CRADD: variants seen among roughly 807,000 people sequenced by gnomAD.
The protein encoded by CRADD is death domain-containing protein CRADD.
A neutral mutation model predicts 15.5 loss-of-function variants in CRADD; 9 were observed. That is an observed-to-expected ratio of 0.58 (90% CI 0.35 to 1.01). The LOEUF is 1.01. Ranked by LOEUF, CRADD falls within the 50% of genes least tolerant of loss-of-function variation. The probability of loss-of-function intolerance (pLI) is 0.02; values close to 1 mark genes in which losing one functional copy is unlikely to be tolerated. For missense variants in CRADD, 227 were observed against 250.3 expected, an observed-to-expected ratio of 0.91 and a Z score of 0.63; for synonymous variants, 118 against 107.6, an observed-to-expected ratio of 1.10 and a Z score of -0.60.
At chr12:93,887,449 A>C (rs1958545725) in intron 2 of CRADD, among the ~76,000 whole-genome samples, 1 of 152,232 alleles carries the variant, frequency 6.6e-6, no homozygotes, top group Admixed American at 6.5e-5. Flanking sequence ...GTCTGGCAAG[A>C]AGAAATTAAG....
intron 2 of CRADD, among the ~76,000 whole-genome samples, chr12:93,834,737 C>T (rs957104867): frequency 6.6e-6 from 1 of 152,220 alleles, no homozygotes; most frequent in African/African-American, 2.4e-5. Context: ...ATCCACCTGC[C>T]TCGGCCTCCC....
chr12:93,876,502 A>G (rs543280213), intron 2 of CRADD, among the ~76,000 whole-genome samples: 10 of 152,104 alleles, frequency 6.6e-5, no homozygotes, highest in African/African-American at 2.4e-4. Flanking sequence ...GGTGTGCTTC[A>G]TTGTTATTCA....
At chr12:93,867,403 A>ATATATATATTTTT (rs985334638) in intron 2 of CRADD, among the ~76,000 whole-genome samples, 1 of 143,378 alleles carries the variant, frequency 7.0e-6, no homozygotes, top group Non-Finnish European at 1.5e-5. Flanking sequence ...ATATATATAT[A>ATATATATATTTTT]TTTTTTAAAC....
At chr12:93,761,092 C>G (rs1592967732) in intron 2 of CRADD, among the ~76,000 whole-genome samples, 1 of 151,922 alleles carries the variant, frequency 6.6e-6, no homozygotes, top group African/African-American at 2.4e-5. Flanking sequence ...TCTGGCTGCA[C>G]TTTGCAGCCA....
At chr12:93,857,192 T>C (rs934434861) in intron 2 of CRADD, among the ~76,000 whole-genome samples, 1 of 152,220 alleles carries the variant, frequency 6.6e-6, no homozygotes, top group Non-Finnish European at 1.5e-5. Context: ...CATTTCATTT[T>C]CATATTCTAT....
intron 2 of CRADD, among the ~76,000 whole-genome samples, chr12:93,876,973 T>G (rs1046189804): frequency 1.2e-4 from 19 of 152,276 alleles, no homozygotes; most frequent in Admixed American, 1.2e-3. Flanking sequence ...GGAAGGCTTT[T>G]CAGATATTTG....
chr12:93,876,332 C>T (rs956455193), intron 2 of CRADD, among the ~76,000 whole-genome samples: 1 of 152,222 alleles, frequency 6.6e-6, no homozygotes, highest in Admixed American at 6.5e-5. Flanking sequence ...TGTTCTATAA[C>T]CTTCTTGTAC....
At chr12:93,769,981 C>T (rs1957066400) in intron 2 of CRADD, among the ~76,000 whole-genome samples, 1 of 152,118 alleles carries the variant, frequency 6.6e-6, no homozygotes, top group African/African-American at 2.4e-5. Context: ...ATGGAGCTTC[C>T]CAATTTTAAT....
At chr12:93,857,457 G>C (rs1455291065) in intron 2 of CRADD, among the ~76,000 whole-genome samples, 1 of 152,212 alleles carries the variant, frequency 6.6e-6, no homozygotes, top group Non-Finnish European at 1.5e-5. Context: ...AGTAAGCCCA[G>C]TTACAGACTG....
intron 2 of CRADD, among the ~76,000 whole-genome samples, chr12:93,818,177 A>G (rs1163600647): frequency 6.6e-6 from 1 of 152,270 alleles, no homozygotes; most frequent in Non-Finnish European, 1.5e-5. Context: ...CTTGCAGGTC[A>G]GCATATTTTT....
chr12:93,799,013 G>C (rs58317669), intron 2 of CRADD, among the ~76,000 whole-genome samples: 7 of 152,058 alleles, frequency 4.6e-5, no homozygotes, highest in African/African-American at 2.4e-5. Flanking sequence ...AATTAGGAGT[G>C]GGGGAAGGGA....
At chr12:93,688,460 A>G (rs1367076397) in intron 2 of CRADD, among the ~76,000 whole-genome samples, 2 of 150,398 alleles carry the variant, frequency 1.3e-5, no homozygotes, top group East Asian at 3.9e-4. Flanking sequence ...TCGAGAGCAC[A>G]CTCCATCCTG....
At chr12:93,883,780 C>T (rs1958518123) in intron 2 of CRADD, among the ~76,000 whole-genome samples, 1 of 152,194 alleles carries the variant, frequency 6.6e-6, no homozygotes, top group South Asian at 2.1e-4. Flanking sequence ...CTGCAGTGAG[C>T]TAGGATCCTA....
chr12:93,689,539 A>G (rs1310146424), intron 2 of CRADD, among the ~76,000 whole-genome samples: 3 of 152,212 alleles, frequency 2.0e-5, no homozygotes, highest in Admixed American at 6.5e-5. Flanking sequence ...AGTTTGGGGC[A>G]GGTTTTACTC....
intron 2 of CRADD, among the ~76,000 whole-genome samples, chr12:93,754,696 A>G (rs569979280): frequency 6.6e-6 from 1 of 152,306 alleles, no homozygotes; most frequent in East Asian, 1.9e-4. Flanking sequence ...TTTATTGTCT[A>G]TGTCACTATC....
intron 2 of CRADD, among the ~76,000 whole-genome samples, chr12:93,885,896 A>G (rs993968256): frequency 2.0e-5 from 3 of 152,090 alleles, no homozygotes; most frequent in Admixed American, 2.0e-4. Flanking sequence ...AAAGTTAGCC[A>G]GGGATGATGG....
intron 2 of CRADD, among the ~76,000 whole-genome samples, chr12:93,789,231 G>A (rs1957322030): frequency 6.6e-6 from 1 of 152,018 alleles, no homozygotes; most frequent in African/African-American, 2.4e-5. Context: ...ACCTGATGCA[G>A]TCATTTATTT....
At chr12:93,804,036 G>A (rs987889929) in intron 2 of CRADD, among the ~76,000 whole-genome samples, 4 of 152,120 alleles carry the variant, frequency 2.6e-5, no homozygotes, top group Non-Finnish European at 5.9e-5. Context: ...CCAAAAGGGA[G>A]CACAGGTCTC....
intron 2 of CRADD, among the ~76,000 whole-genome samples, chr12:93,811,507 G>A (rs150487232): frequency 1.3e-5 from 2 of 152,326 alleles, no homozygotes; most frequent in Non-Finnish European, 2.9e-5. Flanking sequence ...GCAGTGTAGT[G>A]TAGCAGGATG....
Sources: allele counts gnomAD v4.1 joint callset (sites outside exome capture counted in the v4.1 genomes callset), GRCh38; gene constraint gnomAD v4.1.1; transcripts MANE v1.5; gene names NCBI Gene and HGNC (gene_info 2026-07-23, HGNC 2026-07-21).